PTPRD: variants seen among roughly 807,000 people sequenced by gnomAD.
PTPRD encodes the protein receptor-type tyrosine-protein phosphatase delta.
A neutral mutation model predicts 214.5 loss-of-function variants in PTPRD; 34 were observed. The observed-to-expected ratio is 0.16, with a 90% CI of 0.12 to 0.21. The LOEUF is 0.21. Among genes scored for constraint, PTPRD ranks in the 10% least tolerant of loss-of-function variants. PTPRD has a pLI of 1.00. For missense variants in PTPRD, 2,545 were observed against 2,398.7 expected, an observed-to-expected ratio of 1.06 and a Z score of -1.27; for synonymous variants, 1,128 against 845.7, an observed-to-expected ratio of 1.33 and a Z score of -5.79.
chr9:9,840,661 G>A (rs2058066459), intron 5 of PTPRD, among the ~76,000 whole-genome samples: 2 of 149,598 alleles, frequency 1.3e-5, no homozygotes, highest in Admixed American at 1.4e-4. Context: ...TACTCAGGAG[G>A]CTGAGGCAGG....
chr9:10,348,125 C>T (rs2097121560), intron 2 of PTPRD, among the ~76,000 whole-genome samples: 1 of 152,130 alleles, frequency 6.6e-6, no homozygotes, highest in Admixed American at 6.5e-5. Flanking sequence ...AGCACTAAAT[C>T]TTATTTTATG....
chr9:9,279,145 T>A (rs1946735491), intron 9 of PTPRD, among the ~76,000 whole-genome samples: 1 of 150,956 alleles, frequency 6.6e-6, no homozygotes, highest in Non-Finnish European at 1.5e-5. Flanking sequence ...ACTGTTTCAT[T>A]TTCAAATAAT....
At chr9:9,123,995 T>G (rs2099820091) in intron 10 of PTPRD, among the ~76,000 whole-genome samples, 1 of 151,266 alleles carries the variant, frequency 6.6e-6, no homozygotes, top group African/African-American at 2.4e-5. Flanking sequence ...GTAGGCATAT[T>G]GTCTAAAAGG....
intron 3 of PTPRD, among the ~76,000 whole-genome samples, chr9:10,157,066 A>T (rs530699971): frequency 6.6e-6 from 1 of 152,160 alleles, no homozygotes. Context: ...ATACCATTGC[A>T]TCTTGGTTCT....
chr9:8,609,905 C>T (rs7043072), intron 14 of PTPRD, among the ~76,000 whole-genome samples: 37,329 of 151,968 alleles, frequency 0.25, 6,307 homozygotes, highest in African/African-American at 0.48. Context: ...ACATTAAAAA[C>T]TCCAACATAA....
chr9:9,385,240 C>A (rs971381586), intron 9 of PTPRD, among the ~76,000 whole-genome samples: 2 of 152,162 alleles, frequency 1.3e-5, no homozygotes, highest in African/African-American at 4.8e-5. Flanking sequence ...TTTGGACTTT[C>A]AAGCACTATG....
At chr9:8,866,000 C>T (rs932933469) in intron 11 of PTPRD, among the ~76,000 whole-genome samples, 1 of 152,138 alleles carries the variant, frequency 6.6e-6, no homozygotes, top group Non-Finnish European at 1.5e-5. Context: ...ATCCTTTATA[C>T]TTCTAACTGG....
In PTPRD at chr9:8,317,841, C is replaced by G. The variant is rs1156870963; in HGVS notation, c.*33G>C. The G allele has an allele frequency of 6.3e-7, 1 of 1,599,958 alleles. No homozygotes were observed. Among genetic ancestry groups the G allele is most frequent in the Non-Finnish European group, 8.6e-7 (1 of 1,168,098 alleles). ...AGAGACTCCATGGATATTGAAGGGC[C>G]TGTAGTAAAAATCCAGAATGGGTCA... On this transcript the variant is annotated 3_prime_UTR_variant, in exon 46 of 46. Transcript: ENST00000381196.
At chr9:10,010,042 C>G (rs1588822044) in intron 4 of PTPRD, among the ~76,000 whole-genome samples, 1 of 151,844 alleles carries the variant, frequency 6.6e-6, no homozygotes, top group Non-Finnish European at 1.5e-5. Context: ...GGGGTCCATT[C>G]AGTTGGTTGA....
chr9:9,294,832 G>A (rs565327310), intron 9 of PTPRD, among the ~76,000 whole-genome samples: 1 of 151,734 alleles, frequency 6.6e-6, no homozygotes, highest in East Asian at 2.0e-4. Flanking sequence ...GCACTATTAA[G>A]ATTAGGCATA....
intron 3 of PTPRD, among the ~76,000 whole-genome samples, chr9:10,206,811 T>A (rs1265385966): frequency 6.6e-6 from 1 of 152,096 alleles, no homozygotes; most frequent in Non-Finnish European, 1.5e-5. Context: ...AGTAGCTACA[T>A]AGATTTTGAA....
chr9:9,212,048 A>G (rs2099949123), intron 9 of PTPRD, among the ~76,000 whole-genome samples: 1 of 152,116 alleles, frequency 6.6e-6, no homozygotes, highest in African/African-American at 2.4e-5. Context: ...TCTTTATAAG[A>G]ACAATAGCAT....
At chr9:8,833,186 T>C (rs916563070) in intron 11 of PTPRD, among the ~76,000 whole-genome samples, 34 of 152,142 alleles carry the variant, frequency 2.2e-4, no homozygotes, top group South Asian at 1.2e-3. Context: ...GCTTTTCTCT[T>C]CTGACTCATT....
intron 35 of PTPRD, among the ~76,000 whole-genome samples, chr9:8,421,370 TTC>T (rs1554921173): frequency 1.6e-4 from 23 of 146,682 alleles, no homozygotes; most frequent in Middle Eastern, 6.9e-3. Flanking sequence ...TTCTCTTCTC[TTC>T]TCTCTCTCTC....
intron 3 of PTPRD, among the ~76,000 whole-genome samples, chr9:10,185,689 G>C (rs1466320744): frequency 1.3e-5 from 2 of 152,000 alleles, no homozygotes; most frequent in Admixed American, 6.6e-5. Flanking sequence ...GTTTATATCT[G>C]TATTGCAGAT....
At chr9:8,365,650 G>A (rs1484159730) in intron 39 of PTPRD, among the ~76,000 whole-genome samples, 1 of 152,124 alleles carries the variant, frequency 6.6e-6, no homozygotes. Context: ...ATGAGTTGTT[G>A]TTTTCCCATC....
At chr9:9,171,672 A>G (rs899838028) in intron 10 of PTPRD, among the ~76,000 whole-genome samples, 1 of 152,042 alleles carries the variant, frequency 6.6e-6, no homozygotes, top group Non-Finnish European at 1.5e-5. Context: ...GCAGGTAGAC[A>G]TATTGATGAG....
In PTPRD at chr9:9,419,682, A is replaced by T. The variant is rs10977738; in HGVS notation, c.-236-22200T>A. ...TATTAGTTACTGGAATTTGTCAAGG[A>T]CTTTTCATGGCTGGACCTACATTAA... On this transcript the variant is annotated intron_variant, in intron 8 of 45. Coordinates refer to ENST00000381196, the MANE Select transcript of PTPRD (RefSeq NM_002839.4). 4.9e-3 allele frequency among the ~76,000 whole-genome samples: 737 copies of T among 151,878 alleles called. 8 individuals are homozygous for T. Among genetic ancestry groups the T allele is most frequent in the Non-Finnish European group, 6.7e-3 (455 of 67,696 alleles).
chr9:9,085,230 A>C (rs1229340687), intron 10 of PTPRD, among the ~76,000 whole-genome samples: 2 of 152,306 alleles, frequency 1.3e-5, no homozygotes, highest in East Asian at 3.9e-4. Flanking sequence ...AAAGATAGAC[A>C]CAAGAACATA....
Sources: gnomAD v4.1 joint callset for allele counts (sites outside exome capture counted in the v4.1 genomes callset) on GRCh38, gnomAD v4.1.1 for gene constraint, MANE v1.5 for transcripts, NCBI Gene and HGNC (gene_info 2026-07-23, HGNC 2026-07-21) for gene names.